The following CYB5R4 variants were observed in gnomAD, a reference collection of about 807,000 sequenced individuals.
The protein encoded by CYB5R4 is N-terminal cytochrome b5 and cytochrome b5 oxidoreductase domain-containing protein.
A neutral mutation model predicts 70.2 loss-of-function variants in CYB5R4; 55 were observed. The ratio of observed to expected loss-of-function variants is 0.78; its 90% confidence interval spans 0.63 to 0.98. CYB5R4 has a LOEUF of 0.98. CYB5R4 is among the 50% of genes least tolerant of loss of function. The pLI is 0.00. For missense variants in CYB5R4, 562 were observed against 612.6 expected, an observed-to-expected ratio of 0.92 and a Z score of 0.87; for synonymous variants, 197 against 199.5, an observed-to-expected ratio of 0.99 and a Z score of 0.11.
At chr6:83,947,394 C>T (rs1345551553) in intron 14 of CYB5R4, among the ~76,000 whole-genome samples, 2 of 151,822 alleles carry the variant, frequency 1.3e-5, no homozygotes, top group African/African-American at 4.8e-5. Context: ...ACACCTTATG[C>T]AAAAATTAAG....
At chr6:83,916,015 A>G (rs2099465458) in intron 5 of CYB5R4, among the ~76,000 whole-genome samples, 1 of 152,088 alleles carries the variant, frequency 6.6e-6, no homozygotes, top group Non-Finnish European at 1.5e-5. Context: ...AACTTACTCA[A>G]AATAATATTA....
rs1442708821 is a variant in CYB5R4, at chr6:83,918,902, AAG to A, written c.507-492_507-491del. ...AGACTATATAGGTGATAAGTGCAAA[AAG>A]AGTATCAATTTGATCAATAGCTGTA... On this transcript the variant is annotated intron_variant, in intron 6 of 15. Coordinates refer to ENST00000369681, the MANE Select transcript of CYB5R4 (RefSeq NM_016230.4). Among the ~76,000 whole-genome samples the A allele has an allele frequency of 3.9e-5, 6 of 152,256 alleles. No individual in the cohort carries two copies. The East Asian group carries it at 1.2e-3, about 29-fold the overall frequency.
chr6:83,935,684 A>T lies in CYB5R4; in HGVS notation c.956-540A>T, dbSNP rs553750806. 2.0e-5 allele frequency among the ~76,000 whole-genome samples: 3 copies of T among 152,290 alleles called. No individual in the cohort carries two copies. The South Asian group carries it at 6.2e-4, about 32-fold the overall frequency. On this transcript the variant is annotated intron_variant, in intron 11 of 15. Coordinates refer to ENST00000369681, the MANE Select transcript of CYB5R4 (RefSeq NM_016230.4). The stretch of plus-strand genomic sequence containing the variant: ...TATTCTTAGAAGTAGCTGGATTAAC[A>T]TTCTTTTTATTCAGTTACCAAAGTA...
In CYB5R4 at chr6:83,950,500, G is replaced by A. The variant is rs567216177; in HGVS notation, c.1347-4798G>A. On this transcript the variant is annotated intron_variant, in intron 14 of 15. Transcript: ENST00000369681. The stretch of plus-strand genomic sequence containing the variant: ...AATGCCCTAGCTCTGTGATGTCTCT[G>A]CTTTTGTAGAATGAGTTTTGTGGGG... 7.2e-5 allele frequency among the ~76,000 whole-genome samples: 11 copies of A among 152,272 alleles called. No homozygotes were observed. In the South Asian group the frequency reaches 2.3e-3, roughly 32 times the overall value.
At chr6:83,890,684 G>A (rs551888492) in intron 2 of CYB5R4, among the ~76,000 whole-genome samples, 27 of 152,198 alleles carry the variant, frequency 1.8e-4, no homozygotes, top group East Asian at 5.8e-4. Context: ...ATGAAAGGTC[G>A]AGTCAGTTGA....
At chr6:83,902,840 G>A (rs1486160402) in intron 3 of CYB5R4, among the ~76,000 whole-genome samples, 5 of 152,014 alleles carry the variant, frequency 3.3e-5, no homozygotes, top group Admixed American at 1.3e-4. Flanking sequence ...TTTATTATTG[G>A]CGTATAGAAA....
rs16874141 is a variant in CYB5R4 at position 83,960,003 on chromosome 6, A to G, written c.*125A>G. 9.3e-3 allele frequency: 6,136 copies of G among 658,170 alleles called. 308 individuals are homozygous for G. The African/African-American group carries it at 0.1, about 11-fold the overall frequency. The allele number at this position is 658,170 out of a possible 1,614,324, so 40.8% of individuals were successfully genotyped here. A position where few individuals can be genotyped will look rare whatever the true frequency, so the allele number is the denominator to read the frequency against. ...TAGAATCCAGCCTTCAGTTTCTTAA[A>G]TGAAATCAAATGTTCCTTCAGTACA... On this transcript the variant is annotated 3_prime_UTR_variant, in exon 16 of 16. Coordinates refer to ENST00000369681, the MANE Select transcript of CYB5R4 (RefSeq NM_016230.4).
At chr6:83,948,080 T>C (rs1363960374) in intron 14 of CYB5R4, among the ~76,000 whole-genome samples, 1 of 152,174 alleles carries the variant, frequency 6.6e-6, no homozygotes, top group African/African-American at 2.4e-5. Flanking sequence ...TGTATGTTTA[T>C]TGCAGCACTA....
At chr6:83,922,842 G>T (rs1336507877) in intron 9 of CYB5R4, among the ~76,000 whole-genome samples, 1 of 151,930 alleles carries the variant, frequency 6.6e-6, no homozygotes, top group Non-Finnish European at 1.5e-5. Context: ...AGGTTGGACT[G>T]CAGCAGTGTG....
Position 83,940,552 on chromosome 6 carries a change from G to A in CYB5R4, c.1297G>A (p.Asp433Asn), listed in dbSNP as rs774440809. The A allele has an allele frequency of 5.0e-6, 8 of 1,597,072 alleles. No individual in the cohort carries two copies. In the East Asian group the frequency reaches 1.4e-4, roughly 27 times the overall value. Reference sequence around the variant, plus strand: ...GATGTTCTTCAATAAAACAGAAGATGATATAATTTGGAGAAGCCAATTGGA... The same window carrying A: ...GATGTTCTTCAATAAAACAGAAGATAATATAATTTGGAGAAGCCAATTGGA... ...KLMFFNKTED[D>N]IIWRSQLEKL... Residue 433 changes from aspartate to asparagine, a missense_variant, in exon 14 of 16, where the codon GAT becomes AAT. Transcript: ENST00000369681.
chr6:83,932,624 G>A lies in CYB5R4; in HGVS notation c.815-1971G>A, dbSNP rs77962905. On this transcript the variant is annotated intron_variant, in intron 10 of 15. Coordinates refer to ENST00000369681, the MANE Select transcript of CYB5R4 (RefSeq NM_016230.4). ...AAGGTGAGGAGTATTGCAAGGCCAC[G>A]AAGTATCCACCTGGAGCTCATCCTC... Among the ~76,000 whole-genome samples the A allele has an allele frequency of 1.0e-3, 159 of 152,064 alleles. 4 individuals carry two copies. In the East Asian group the frequency reaches 0.017, roughly 16 times the overall value.
At chr6:83,951,663 T>C (rs1428527430) in intron 14 of CYB5R4, among the ~76,000 whole-genome samples, 1 of 152,200 alleles carries the variant, frequency 6.6e-6, no homozygotes, top group African/African-American at 2.4e-5. Flanking sequence ...TGTGCCACAT[T>C]TTCTTTATCC....
At chr6:83,910,207 C>G in intron 4 of CYB5R4, 1 of 1,423,452 alleles carries the variant, frequency 7.0e-7, no homozygotes, top group Non-Finnish European at 9.6e-7. Flanking sequence ...GGGCTGCCTG[C>G]CAGTTGGAAG....
intron 14 of CYB5R4, among the ~76,000 whole-genome samples, chr6:83,947,184 G>A (rs2099470754): frequency 6.6e-6 from 1 of 152,092 alleles, no homozygotes; most frequent in African/African-American, 2.4e-5. Flanking sequence ...AACCAAAACG[G>A]CATGGTACTG....
At chr6:83,938,081 A>T (rs2099469198) in intron 12 of CYB5R4, among the ~76,000 whole-genome samples, 1 of 151,558 alleles carries the variant, frequency 6.6e-6, no homozygotes, top group South Asian at 2.1e-4. Context: ...TCTGCTAATT[A>T]TGTCTACTTC....
chr6:83,900,743 A>G (rs1317080852), intron 3 of CYB5R4, among the ~76,000 whole-genome samples: 1 of 151,724 alleles, frequency 6.6e-6, no homozygotes, highest in East Asian at 1.9e-4. Flanking sequence ...GTCTCTTTTG[A>G]TCTTTGTTGG....
At chr6:83,859,948 C>T (rs945487489) in intron 1 of CYB5R4, 91 bp downstream of exon 1, 2 of 1,220,556 alleles carry the variant, frequency 1.6e-6, no homozygotes, top group Non-Finnish European at 2.3e-6. Context: ...CCAGCTCCTG[C>T]ACCCCTCTCT....
intron 4 of CYB5R4, among the ~76,000 whole-genome samples, chr6:83,912,859 C>G (rs2099464903): frequency 6.6e-6 from 1 of 152,152 alleles, no homozygotes; most frequent in South Asian, 2.1e-4. Context: ...TCTCTTTCTA[C>G]TAGTACTTCT....
chr6:83,887,655 T>A (rs1433740044), intron 2 of CYB5R4, among the ~76,000 whole-genome samples: 1 of 152,164 alleles, frequency 6.6e-6, no homozygotes, highest in Non-Finnish European at 1.5e-5. Context: ...ATACAACCGT[T>A]GTATTTTAGT....
Sources: gnomAD v4.1 joint callset for allele counts (sites outside exome capture counted in the v4.1 genomes callset) on GRCh38, gnomAD v4.1.1 for gene constraint, MANE v1.5 for transcripts, NCBI Gene and HGNC (gene_info 2026-07-23, HGNC 2026-07-21) for gene names.